SIX4: variants seen among roughly 807,000 people sequenced by gnomAD.
The protein encoded by SIX4 is SIX homeobox 4.
In SIX4, 23 loss-of-function variants were observed where a neutral mutation model predicts 51.5. That is an observed-to-expected ratio of 0.45 (90% CI 0.32 to 0.63). The LOEUF is 0.63. SIX4 is among the 30% of genes least tolerant of loss of function. The pLI, the probability that SIX4 is intolerant of heterozygous loss-of-function variation, is 0.04. For synonymous variants in SIX4, 413 were observed against 417.3 expected (o/e 0.99, Z 0.13); for missense variants, 867 against 984.0 (o/e 0.88, Z 1.59).
chr14:60,716,014 T>G (rs1397037538), intron 2 of SIX4, among the ~76,000 whole-genome samples: 1 of 151,756 alleles, frequency 6.6e-6, no homozygotes, highest in Non-Finnish European at 1.5e-5. Flanking sequence ...TACAGATGCA[T>G]GTCACCATGC....
rs1231647589 is a variant in SIX4 at position 60,724,087 on chromosome 14, A to T, written c.-13T>A. ...AGGAAGAGGACATTTTTTGTTGTTT[A>T]TTTTCCTCCCTCCCTCACTCCCTCG... On this transcript the variant is annotated 5_prime_UTR_variant, in exon 1 of 3. Coordinates refer to ENST00000216513, the MANE Select transcript of SIX4 (RefSeq NM_017420.5). 5.8e-6 allele frequency: 9 copies of T among 1,548,408 alleles called. No homozygotes were observed. Among genetic ancestry groups the T allele is most frequent in the Admixed American group, 5.8e-5 (3 of 51,848 alleles).
At position 60,709,800 on chromosome 14, in the gene SIX4, G is replaced by A. The variant is rs893942828; in HGVS notation, c.*3607C>T. On this transcript the variant is annotated 3_prime_UTR_variant, in exon 3 of 3. Coordinates refer to ENST00000216513, the MANE Select transcript of SIX4 (RefSeq NM_017420.5). The surrounding 1 kb of genome is among the most constrained non-coding windows in gnomAD (Gnocchi z 4.1). ...CTGTATAGAGTTTCTCTTTGTGTAAGGCACAGTAAAACCATATTGAGTATA... is the reference window on the plus strand; with the variant it reads ...CTGTATAGAGTTTCTCTTTGTGTAAAGCACAGTAAAACCATATTGAGTATA... 1 of 152,488 alleles carries A rather than the reference G, an allele frequency of 6.6e-6. No individual in the cohort carries two copies. The highest frequency in any genetic ancestry group is 2.4e-5 in the African/African-American group (1 of 41,394). 9.4% of individuals were successfully genotyped at this position (152,488 alleles called of 1,614,324 possible).
rs1157158089 is a variant in SIX4 at position 60,711,180 on chromosome 14, A to G, written c.*2227T>C. On this transcript the variant is annotated 3_prime_UTR_variant, in exon 3 of 3. Coordinates refer to ENST00000216513, the MANE Select transcript of SIX4 (RefSeq NM_017420.5). Reference sequence around the variant, plus strand: ...AATTAATCTCAGTAACAGGATCAGCACACACCCAAAGAAAAAACAAGCTCT... The same window carrying G: ...AATTAATCTCAGTAACAGGATCAGCGCACACCCAAAGAAAAAACAAGCTCT... The G allele has an allele frequency of 6.6e-6, 1 of 152,542 alleles. No individual in the cohort carries two copies. The highest frequency in any genetic ancestry group is 1.9e-4 in the East Asian group (1 of 5,186). The allele number at this position is 152,542 out of a possible 1,614,324, so 9.4% of individuals were successfully genotyped here.
chr14:60,719,301 GT>G lies in SIX4; in HGVS notation c.1549+458del, dbSNP rs1895976616. ...ACAGGATTCAAACATAATTGATCCG[GT>G]CTTTTTAGCTTGTTCTTCTAAAACA... On this transcript the variant is annotated intron_variant, in intron 2 of 2. Transcript: ENST00000216513. The surrounding 1 kb of genome is among the most constrained non-coding windows in gnomAD (Gnocchi z 4.9). 6.6e-6 allele frequency among the ~76,000 whole-genome samples: 1 copy of G among 152,158 alleles called. No individual in the cohort carries two copies. The highest frequency in any genetic ancestry group is 6.5e-5 in the Admixed American group (1 of 15,274).
chr14:60,723,224 G>T lies in SIX4; in HGVS notation c.851C>A (p.Thr284Asn), dbSNP rs775917475. 1 of 1,611,686 alleles carries T rather than the reference G, an allele frequency of 6.2e-7. No individual in the cohort carries two copies. Among genetic ancestry groups the T allele is most frequent in the Non-Finnish European group, 8.5e-7 (1 of 1,179,238 alleles). ...RRQRDRNPSE[T>N]QSKSESDGNP... The stretch of plus-strand genomic sequence containing the variant: ...AGTTGGCGCTCACCTTTTGGACTGG[G>T]TCTCGGAGGGGTTCCTGTCGCGCTG... Residue 284 changes from threonine (T) to asparagine (N), a missense_variant, in exon 1 of 3, where the codon ACC becomes AAC. Coordinates refer to ENST00000216513, the MANE Select transcript of SIX4 (RefSeq NM_017420.5).
chr14:60,722,224 C>T lies in SIX4; in HGVS notation c.863+988G>A, dbSNP rs557838782. Reference sequence around the variant, plus strand: ...TGTTTCGTCCAACAAAACACACAGACGCACACACCAAGTGTCTGACTCGGG... The same window carrying T: ...TGTTTCGTCCAACAAAACACACAGATGCACACACCAAGTGTCTGACTCGGG... On this transcript the variant is annotated intron_variant, in intron 1 of 2. Transcript: ENST00000216513. This position sits in a 1 kb window ranked among gnomAD's most constrained non-coding sequence, Gnocchi z 5.9. Among the ~76,000 whole-genome samples the T allele has an allele frequency of 6.6e-6, 1 of 152,218 alleles. No homozygotes were observed. The highest frequency in any genetic ancestry group is 1.5e-5 in the Non-Finnish European group (1 of 68,036).
chr14:60,722,378 C>G lies in SIX4; in HGVS notation c.863+834G>C, dbSNP rs1314199272. ...CTCCTTTGCTGCCGCCCGCCGTAAG[C>G]CGGCCTGCCCCCCACCCATAACTAC... On this transcript the variant is annotated intron_variant, in intron 1 of 2. Transcript: ENST00000216513. The surrounding 1 kb of genome is among the most constrained non-coding windows in gnomAD (Gnocchi z 5.9). Among the ~76,000 whole-genome samples the G allele has an allele frequency of 6.6e-6, 1 of 152,142 alleles. No homozygotes were observed. The highest frequency in any genetic ancestry group is 2.4e-5 in the African/African-American group (1 of 41,426).
At chr14:60,723,091 G>C in intron 1 of SIX4, 121 bp downstream of exon 1, 1 of 1,420,298 alleles carries the variant, frequency 7.0e-7, no homozygotes, top group South Asian at 1.5e-5. Context: ...GGGGAGAGGT[G>C]GGCAGCCGGA....
rs1223227163 is a variant in SIX4, at chr14:60,713,416, T to A, written c.2337A>T (p.Gln779His). The part of the protein sequence containing the change: ...LQTVQLDEDM[Q>H]DL ...GAGGAGGAAATAAAGTTCATAAGTC[T>A]TGCATATCTTCATCCAGCTGGACAG... Residue 779 changes from glutamine to histidine, a missense_variant, in exon 3 of 3, where the codon CAA (glutamine) becomes CAT (histidine). Gln to His is a conservative substitution (Grantham distance 24). Coordinates refer to ENST00000216513, the MANE Select transcript of SIX4 (RefSeq NM_017420.5). 6.3e-7 allele frequency: 1 copy of A among 1,595,246 alleles called. No homozygotes were observed. Among genetic ancestry groups the A allele is most frequent in the East Asian group, 2.2e-5 (1 of 44,678 alleles).
chr14:60,723,126 C>G lies in SIX4; in HGVS notation c.863+86G>C. 3 of 1,444,876 alleles carry G rather than the reference C, an allele frequency of 2.1e-6. No individual in the cohort carries two copies. The South Asian group carries it at 4.3e-5, about 21-fold the overall frequency. The allele number at this position is 1,444,876 out of a possible 1,614,324, so 89.5% of individuals were successfully genotyped here. The stretch of plus-strand genomic sequence containing the variant: ...ACCAGGCTGGTGGGGAAGGTAAGCG[C>G]CATGTTTGCGAGCACTTGGAGGAAA... On this transcript the variant is annotated intron_variant, in intron 1 of 2. Coordinates refer to ENST00000216513, the MANE Select transcript of SIX4 (RefSeq NM_017420.5).
chr14:60,724,024 C>T lies in SIX4; in HGVS notation c.51G>A (p.Lys17=). 1 of 1,527,732 alleles carries T rather than the reference C, an allele frequency of 6.5e-7. No individual in the cohort carries two copies. The highest frequency in any genetic ancestry group is 8.8e-7 in the Non-Finnish European group (1 of 1,138,770). The allele number at this position is 1,527,732 out of a possible 1,614,324, so 94.6% of individuals were successfully genotyped here. Residue 17 remains lysine, a synonymous_variant, in exon 1 of 3, where the codon AAG becomes AAA. Coordinates refer to ENST00000216513, the MANE Select transcript of SIX4 (RefSeq NM_017420.5). The part of the protein sequence containing the change: ...TGQIASAADI[K]QENGMESASE... Reference sequence around the variant, plus strand: ...AGGCGCTTTCCATCCCATTCTCTTGCTTGATGTCCGCCGCACTTGCGATCT... The same window carrying T: ...AGGCGCTTTCCATCCCATTCTCTTGTTTGATGTCCGCCGCACTTGCGATCT...
At position 60,714,015 on chromosome 14, in the gene SIX4, G is replaced by A. The variant is rs1237675183; in HGVS notation, c.1738C>T (p.Gln580Ter). The change falls in exon 3 of 3, where the codon CAG becomes TAG. Residue 580 changes from glutamine to a stop codon, truncating the protein, a stop_gained. Coordinates refer to ENST00000216513, the MANE Select transcript of SIX4 (RefSeq NM_017420.5). LOFTEE classifies it high-confidence loss of function. Reference sequence around the variant, plus strand: ...GCATTCTGATTGACAGGCATCAACTGAGAAAATACCAGGCTCCTTTCCAAG... The same window carrying A: ...GCATTCTGATTGACAGGCATCAACTAAGAAAATACCAGGCTCCTTTCCAAG... ...EGLERSLVFS[Q>*]LMPVNQNAQV... is the part of the protein sequence containing the mutation. 5.6e-6 allele frequency: 9 copies of A among 1,613,966 alleles called. No homozygotes were observed. The highest frequency in any genetic ancestry group is 7.6e-6 in the Non-Finnish European group (9 of 1,180,030).
Position 60,722,648 on chromosome 14 carries a change from G to C in SIX4, c.863+564C>G, listed in dbSNP as rs567732454. On this transcript the variant is annotated intron_variant, in intron 1 of 2. Transcript: ENST00000216513. This position sits in a 1 kb window ranked among gnomAD's most constrained non-coding sequence, Gnocchi z 5.9. ...TTCCGAGACCCCTTCTGCGCCGCCA[G>C]TCCCACAACACTCTCTTCCCTTCAC... Among the ~76,000 whole-genome samples the C allele has an allele frequency of 6.6e-5, 10 of 152,210 alleles. No individual in the cohort carries two copies. In the East Asian group the frequency reaches 1.7e-3, roughly 27 times the overall value.
Position 60,724,134 on chromosome 14 carries a change from C to T in SIX4, c.-60G>A. The T allele has an allele frequency of 6.2e-7, 1 of 1,603,212 alleles. No homozygotes were observed. Among genetic ancestry groups the T allele is most frequent in the South Asian group, 1.1e-5 (1 of 90,076 alleles). The stretch of plus-strand genomic sequence containing the variant: ...CTCGCACTCTTTTCCTCTTTCTTTC[C>T]TCCTCTCTTACTCCTCCTCCTTCGT... On this transcript the variant is annotated 5_prime_UTR_variant, in exon 1 of 3. Transcript: ENST00000216513.
At position 60,720,568 on chromosome 14, in the gene SIX4, G is replaced by T; in HGVS notation, c.864-123C>A. ...GGCAGTATTTAAGGAAAGCACAGCA[G>T]GATATCTGCTAGTCCTATTTAAACT... On this transcript the variant is annotated intron_variant, in intron 1 of 2. Transcript: ENST00000216513. This position sits in a 1 kb window ranked among gnomAD's most constrained non-coding sequence, Gnocchi z 5.5. 1 of 918,668 alleles carries T rather than the reference G, an allele frequency of 1.1e-6. No homozygotes were observed. The highest frequency in any genetic ancestry group is 1.6e-6 in the Non-Finnish European group (1 of 615,956). 56.9% of individuals were successfully genotyped at this position (918,668 alleles called of 1,614,324 possible).
Position 60,723,269 on chromosome 14 carries a change from T to C in SIX4, c.806A>G (p.Asn269Ser). The change falls in exon 1 of 3, where the codon AAC (asparagine) becomes AGC (serine). Residue 269 changes from asparagine (N) to serine (S), a missense_variant. Asn to Ser is a conservative substitution (Grantham distance 46, BLOSUM62 1). Coordinates refer to ENST00000216513, the MANE Select transcript of SIX4 (RefSeq NM_017420.5). ...GCGCTGCCGGCGGTTCTTGAACCAG[T>C]TGCTGACCTGGGTGAGGGAGAGGCC... ...ITGLSLTQVS[N>S]WFKNRRQRDR... is the part of the protein sequence containing the mutation. 3 of 1,612,744 alleles carry C rather than the reference T, an allele frequency of 1.9e-6. No homozygotes were observed. Among genetic ancestry groups the C allele is most frequent in the Non-Finnish European group, 2.5e-6 (3 of 1,179,692 alleles).
In SIX4 at chr14:60,723,709, C is replaced by G; in HGVS notation, c.366G>C (p.Gln122His). 1 of 1,556,210 alleles carries G rather than the reference C, an allele frequency of 6.4e-7. No individual in the cohort carries two copies. Among genetic ancestry groups the G allele is most frequent in the Non-Finnish European group, 8.7e-7 (1 of 1,152,340 alleles). The change falls in exon 1 of 3, where the codon CAG (glutamine) becomes CAC (histidine). Residue 122 changes from glutamine to histidine, a missense_variant. By Grantham distance (24) the Gln-to-His change is conservative. Coordinates refer to ENST00000216513, the MANE Select transcript of SIX4 (RefSeq NM_017420.5). ...GGGCCAGGCGGTCCAGGTTGCCCCC[C>G]TGCTGCAGTGCCTCGCACACGCAGG... ...HVACVCEALQQGGNLDRLARF... is the reference protein window; with the variant it reads ...HVACVCEALQHGGNLDRLARF...
Position 60,709,557 on chromosome 14 carries a change from T to TTTGTATGTATATAAATATACATACA in SIX4, c.*3849_*3850insTGTATGTATATTTATATACATACAA, listed in dbSNP as rs1895787105. The TTTGTATGTATATAAATATACATACA allele has an allele frequency of 6.6e-6, 1 of 152,648 alleles. No individual in the cohort carries two copies. The highest frequency in any genetic ancestry group is 2.4e-5 in the African/African-American group (1 of 41,470). The allele number at this position is 152,648 out of a possible 1,614,324, so 9.5% of individuals were successfully genotyped here. A position where few individuals can be genotyped will look rare whatever the true frequency, so the allele number is the denominator to read the frequency against. The stretch of plus-strand genomic sequence containing the variant: ...TGCAAGGTATGTATAAATATAAAGT[T>TTTGTATGTATATAAATATACATACA]TATTTAGCATAGTGTTTAGAAAAAT... On this transcript the variant is annotated 3_prime_UTR_variant, in exon 3 of 3. Transcript: ENST00000216513. The surrounding 1 kb of genome is among the most constrained non-coding windows in gnomAD (Gnocchi z 4.1).
chr14:60,717,808 T>C lies in SIX4; in HGVS notation c.1549+1952A>G, dbSNP rs1443169108. Among the ~76,000 whole-genome samples, 2 of 151,924 alleles carry C rather than the reference T, an allele frequency of 1.3e-5. No individual in the cohort carries two copies. Among genetic ancestry groups the C allele is most frequent in the African/African-American group, 4.8e-5 (2 of 41,334 alleles). ...GCTGAGGTGAGCAGATCACAGGAGT[T>C]CAAGACCAGCCTGGCCAACATAGCA... On this transcript the variant is annotated intron_variant, in intron 2 of 2. Transcript: ENST00000216513. This position sits in a 1 kb window ranked among gnomAD's most constrained non-coding sequence, Gnocchi z 4.6.
Sources: allele counts gnomAD v4.1 joint callset (sites outside exome capture counted in the v4.1 genomes callset), GRCh38; gene constraint gnomAD v4.1.1; non-coding constraint Gnocchi (gnomAD v3.1); transcripts MANE v1.5; gene names NCBI Gene and HGNC (gene_info 2026-07-23, HGNC 2026-07-21).